The following ENOX1 variants were observed in gnomAD, a reference collection of about 807,000 sequenced individuals.
The protein encoded by ENOX1 is candidate growth-related and time keeping constitutive hydroquinone (NADH) oxidase.
Under a neutral mutation model 82.5 loss-of-function variants are expected in ENOX1, and 42 were observed. The ratio of observed to expected loss-of-function variants is 0.51; its 90% CI spans 0.40 to 0.66. The LOEUF (loss-of-function observed/expected upper bound fraction) is 0.66, where lower values mean the gene tolerates loss of function less well. ENOX1 is among the 30% of genes least tolerant of loss of function. The pLI, the probability that ENOX1 is intolerant of heterozygous loss-of-function variation, is 0.00. For missense variants in ENOX1, 608 were observed against 811.6 expected (o/e 0.75, Z 3.05); for synonymous variants, 271 against 282.2 (o/e 0.96, Z 0.40).
intron 1 of ENOX1, among the ~76,000 whole-genome samples, chr13:43,694,296 T>G (rs900456178): frequency 2.6e-5 from 4 of 151,980 alleles, no homozygotes; most frequent in Non-Finnish European, 4.4e-5. Flanking sequence ...AAAATCAGTC[T>G]TAACAACCCC....
chr13:43,481,503 A>T (rs1046390277), intron 3 of ENOX1, among the ~76,000 whole-genome samples: 1 of 152,184 alleles, frequency 6.6e-6, no homozygotes, highest in Non-Finnish European at 1.5e-5. Context: ...ACCAGACACC[A>T]AAACCAACCC....
intron 5 of ENOX1, among the ~76,000 whole-genome samples, chr13:43,372,681 T>C (rs908128201): frequency 6.6e-6 from 1 of 152,054 alleles, no homozygotes; most frequent in Non-Finnish European, 1.5e-5. Flanking sequence ...GCTATTAAAA[T>C]TTTAAATAGG....
intron 5 of ENOX1, among the ~76,000 whole-genome samples, chr13:43,407,501 G>A (rs1005498736): frequency 2.0e-5 from 3 of 152,126 alleles, no homozygotes; most frequent in Non-Finnish European, 2.9e-5. Flanking sequence ...ATACATGTGC[G>A]ATGGTGGTTT....
intron 5 of ENOX1, among the ~76,000 whole-genome samples, chr13:43,368,384 G>A (rs2050992617): frequency 6.6e-6 from 1 of 152,214 alleles, no homozygotes; most frequent in African/African-American, 2.4e-5. Flanking sequence ...ACGAAGCAAA[G>A]AGAATTTCAA....
At chr13:43,547,942 C>T (rs2079038816) in intron 2 of ENOX1, 1 of 152,230 alleles carries the variant, frequency 6.6e-6, no homozygotes, top group African/African-American at 2.4e-5. Flanking sequence ...GATGTCCCCA[C>T]TGCTGTGGGC....
chr13:43,424,811 A>G (rs141212763), intron 3 of ENOX1, among the ~76,000 whole-genome samples: 1 of 152,278 alleles, frequency 6.6e-6, no homozygotes, highest in Non-Finnish European at 1.5e-5. Context: ...TCAGGGCCTC[A>G]TAAATGGTAT....
chr13:43,489,006 A>G (rs1326344266), intron 2 of ENOX1, among the ~76,000 whole-genome samples: 1 of 152,160 alleles, frequency 6.6e-6, no homozygotes, highest in East Asian at 1.9e-4. Context: ...ACATGTGGAG[A>G]ATAAAAATTA....
intron 7 of ENOX1, among the ~76,000 whole-genome samples, chr13:43,359,309 A>G (rs573147444): frequency 6.6e-6 from 1 of 152,342 alleles, no homozygotes; most frequent in East Asian, 1.9e-4. Context: ...ATGGGAAGGC[A>G]GCACTAGGCC....
At chr13:43,298,013 A>T (rs2046368958) in intron 12 of ENOX1, among the ~76,000 whole-genome samples, 1 of 152,258 alleles carries the variant, frequency 6.6e-6, no homozygotes, top group Non-Finnish European at 1.5e-5. Context: ...TAAAAGTTCT[A>T]AGATTACAAA....
intron 2 of ENOX1, among the ~76,000 whole-genome samples, chr13:43,489,683 G>A (rs993500090): frequency 2.0e-5 from 3 of 152,160 alleles, no homozygotes; most frequent in Admixed American, 2.0e-4. Flanking sequence ...TACAAGGGCT[G>A]AACTCCAGCC....
chr13:43,651,165 T>C (rs139519169), intron 2 of ENOX1, among the ~76,000 whole-genome samples: 176 of 151,960 alleles, frequency 1.2e-3, no homozygotes, highest in African/African-American at 3.7e-3. Flanking sequence ...GAAAAATGCA[T>C]CTCAGCCAGT....
chr13:43,435,411 T>C (rs902892996), intron 3 of ENOX1, among the ~76,000 whole-genome samples: 2 of 152,166 alleles, frequency 1.3e-5, no homozygotes, highest in African/African-American at 4.8e-5. Flanking sequence ...GCTGAGAAAG[T>C]GGAGGCCATG....
intron 12 of ENOX1, among the ~76,000 whole-genome samples, chr13:43,279,178 G>A (rs181817511): frequency 2.6e-4 from 40 of 152,144 alleles, no homozygotes; most frequent in Non-Finnish European, 4.1e-4. Flanking sequence ...CAGATGCTTC[G>A]TGGCATTCCC....
At chr13:43,382,708 T>C (rs914153375) in intron 5 of ENOX1, among the ~76,000 whole-genome samples, 4 of 152,148 alleles carry the variant, frequency 2.6e-5, no homozygotes, top group African/African-American at 9.7e-5. Flanking sequence ...ATTATTTTGA[T>C]TGTGATGATT....
intron 12 of ENOX1, among the ~76,000 whole-genome samples, chr13:43,292,493 T>C (rs2046053062): frequency 6.6e-6 from 1 of 152,124 alleles, no homozygotes; most frequent in South Asian, 2.1e-4. Flanking sequence ...CAAACTCTGG[T>C]GACACTCTGT....
intron 1 of ENOX1, among the ~76,000 whole-genome samples, chr13:43,767,858 A>G (rs1337738759): frequency 6.6e-6 from 1 of 152,176 alleles, no homozygotes. Context: ...CAGATGCAAT[A>G]CCAGACTCAC....
At chr13:43,242,675 T>C (rs2042894315) in intron 14 of ENOX1, among the ~76,000 whole-genome samples, 1 of 152,214 alleles carries the variant, frequency 6.6e-6, no homozygotes, top group South Asian at 2.1e-4. Context: ...TGTCTAAAAA[T>C]GAGGGGCTGG....
chr13:43,765,565 C>G (rs1039326408), intron 1 of ENOX1, among the ~76,000 whole-genome samples: 1 of 152,154 alleles, frequency 6.6e-6, no homozygotes, highest in Non-Finnish European at 1.5e-5. Context: ...TGTTAGTTAT[C>G]TATAGCTATC....
At position 43,611,223 on chromosome 13, in the gene ENOX1, C is replaced by T. The variant is rs184893101; in HGVS notation, c.-219+56256G>A. On this transcript the variant is annotated intron_variant, in intron 2 of 16. Transcript: ENST00000690772. Reference sequence around the variant, plus strand: ...CAAGGTGCCCGGGGAAACTGCCATCCCTTAATCCAGCTCTGCTCACCCAGA... The same window carrying T: ...CAAGGTGCCCGGGGAAACTGCCATCTCTTAATCCAGCTCTGCTCACCCAGA... 9.9e-5 allele frequency among the ~76,000 whole-genome samples: 15 copies of T among 152,226 alleles called. No individual in the cohort carries two copies. The East Asian group carries it at 2.5e-3, about 25-fold the overall frequency.
Sources: gnomAD v4.1 joint callset for allele counts (sites outside exome capture counted in the v4.1 genomes callset) on GRCh38, gnomAD v4.1.1 for gene constraint, MANE v1.5 for transcripts, NCBI Gene and HGNC (gene_info 2026-07-23, HGNC 2026-07-21) for gene names.